KIAA1549: variants seen among roughly 807,000 people sequenced by gnomAD.
KIAA1549 encodes KIAA1549.
A neutral mutation model predicts 156.4 loss-of-function variants in KIAA1549; 70 were observed. The ratio of observed to expected loss-of-function variants is 0.45; its 90% CI spans 0.37 to 0.55. The LOEUF is 0.55. Among genes scored for constraint, KIAA1549 ranks in the 20% least tolerant of loss-of-function variants. The pLI is 0.00. For missense variants in KIAA1549, 2,428 were observed against 2,540.9 expected (o/e 0.96, Z 0.96); for synonymous variants, 1,103 against 1,066.4 (o/e 1.03, Z -0.67).
In KIAA1549 at chr7:138,917,512, T is replaced by G; in HGVS notation, c.2114A>C (p.Asn705Thr). Reference sequence around the variant, plus strand: ...ACGGCTAGGTAGCAACATGATGGTGTTTAAAGGCAGCTCGGAACTTGGCTG... The same window carrying G: ...ACGGCTAGGTAGCAACATGATGGTGGTTAAAGGCAGCTCGGAACTTGGCTG... ...QLQPSSELPL[N>T]TIMLLPSRSE... The change falls in exon 2 of 20, where the codon AAC becomes ACC. Residue 705 changes from asparagine (N) to threonine (T), a missense_variant. Physicochemically the swap from Asn to Thr is moderately conservative, Grantham distance 65. Transcript: ENST00000422774. The G allele has an allele frequency of 6.2e-7, 1 of 1,613,686 alleles. No individual in the cohort carries two copies. Among genetic ancestry groups the G allele is most frequent in the East Asian group, 2.2e-5 (1 of 44,882 alleles).
rs1809768309 is a variant in KIAA1549, at chr7:138,837,779, G to T, written c.*127C>A. The T allele has an allele frequency of 1.9e-6, 2 of 1,068,038 alleles. No individual in the cohort carries two copies. Among genetic ancestry groups the T allele is most frequent in the East Asian group, 2.6e-5 (1 of 38,394 alleles). 66.2% of individuals were successfully genotyped at this position (1,068,038 alleles called of 1,614,324 possible). A position where few individuals can be genotyped will look rare whatever the true frequency, so the allele number is the denominator to read the frequency against. ...TATGGCATCTTCTAAATTGCAACTT[G>T]CTCCCTCCCTTGGGCAGGCTGCCCG... On this transcript the variant is annotated 3_prime_UTR_variant, in exon 20 of 20. Transcript: ENST00000422774.
At chr7:138,954,916 G>A (rs1813617152) in intron 1 of KIAA1549, among the ~76,000 whole-genome samples, 1 of 152,118 alleles carries the variant, frequency 6.6e-6, no homozygotes, top group Admixed American at 6.5e-5. Context: ...AGGATAAGGG[G>A]GACAGGGAGA....
In KIAA1549 at chr7:138,903,494, T is replaced by C. The variant is rs1266233483; in HGVS notation, c.3669+94A>G. On this transcript the variant is annotated intron_variant, in intron 8 of 19. Coordinates refer to ENST00000422774, the MANE Select transcript of KIAA1549 (RefSeq NM_001164665.2). ...TTTCTCATGGCACTTCTCATTTGCA[T>C]AAAAATACAGGGTTTTAGATGGAGT... 2.3e-6 allele frequency: 3 copies of C among 1,304,172 alleles called. No homozygotes were observed. In the African/African-American group the frequency reaches 4.4e-5, roughly 19 times the overall value. The allele number at this position is 1,304,172 out of a possible 1,614,324, so 80.8% of individuals were successfully genotyped here.
chr7:138,934,867 G>C (rs1198716044), intron 1 of KIAA1549, among the ~76,000 whole-genome samples: 1 of 152,172 alleles, frequency 6.6e-6, no homozygotes, highest in Non-Finnish European at 1.5e-5. Context: ...GGCAGCTTCA[G>C]GTTTAGCTGG....
At chr7:138,881,332 CTG>C (rs1266726615) in intron 11 of KIAA1549, 54 bp downstream of exon 11, 1 of 1,535,310 alleles carries the variant, frequency 6.5e-7, no homozygotes, top group East Asian at 2.2e-5. Flanking sequence ...AACTCACAGC[CTG>C]ATAACAGAAG....
rs956031304 is a variant in KIAA1549, at chr7:138,863,487, A to G, written c.4930-2031T>C. On this transcript the variant is annotated intron_variant, in intron 15 of 19. Coordinates refer to ENST00000422774, the MANE Select transcript of KIAA1549 (RefSeq NM_001164665.2). ...TGAAGGGCAGTAGGTTCTTAACTCC[A>G]AACTGAGAGAGGACCATACAAAACT... is the stretch of plus-strand genomic sequence containing the variant. Among the ~76,000 whole-genome samples, 5 of 152,102 alleles carry G rather than the reference A, an allele frequency of 3.3e-5. No individual in the cohort carries two copies. In the South Asian group the frequency reaches 1.0e-3, roughly 32 times the overall value.
At position 138,917,325 on chromosome 7, in the gene KIAA1549, A is replaced by T; in HGVS notation, c.2301T>A (p.Thr767=). 1.2e-6 allele frequency: 2 copies of T among 1,613,806 alleles called. No individual in the cohort carries two copies. Among genetic ancestry groups the T allele is most frequent in the Non-Finnish European group, 1.7e-6 (2 of 1,179,790 alleles). ...ACTCAGAGCCGGGGGGCACCAGTGC[A>T]GTGACTGCGGATTCATGGGAAATGA... The part of the protein sequence containing the change: ...SSLISHESAV[T]ALVPPGSESF... The change falls in exon 2 of 20, where the codon ACT becomes ACA. Residue 767 remains threonine (T), a synonymous_variant. Coordinates refer to ENST00000422774, the MANE Select transcript of KIAA1549 (RefSeq NM_001164665.2).
At chr7:138,842,458 G>A (rs1019832065) in intron 18 of KIAA1549, among the ~76,000 whole-genome samples, 29 of 152,164 alleles carry the variant, frequency 1.9e-4, no homozygotes, top group South Asian at 4.1e-4. Context: ...AGGCTGAGGC[G>A]GGCGGATCAC....
intron 16 of KIAA1549, among the ~76,000 whole-genome samples, chr7:138,856,642 A>AT (rs1810401345): frequency 6.6e-6 from 1 of 152,188 alleles, no homozygotes; most frequent in African/African-American, 2.4e-5. Flanking sequence ...TCAGGATGAC[A>AT]TGTAGGCTCC....
At chr7:138,933,804 G>T (rs1274737076) in intron 1 of KIAA1549, among the ~76,000 whole-genome samples, 1 of 152,058 alleles carries the variant, frequency 6.6e-6, no homozygotes, top group Non-Finnish European at 1.5e-5. Flanking sequence ...CATCTTCAAT[G>T]AAAATACAAA....
chr7:138,838,071 C>T lies in KIAA1549; in HGVS notation c.5688G>A (p.Gly1896=). The T allele has an allele frequency of 6.3e-7, 1 of 1,591,604 alleles. No individual in the cohort carries two copies. The highest frequency in any genetic ancestry group is 1.3e-5 in the African/African-American group (1 of 74,646). The change falls in exon 20 of 20, where the codon GGG becomes GGA. Residue 1896 remains glycine, a synonymous_variant. Coordinates refer to ENST00000422774, the MANE Select transcript of KIAA1549 (RefSeq NM_001164665.2). ...TSGREPSAPS[G]NLPHRGLQGP... is the part of the protein sequence containing the mutation. ...CCTGCAGTCCCCGGTGGGGGAGGTT[C>T]CCGGAAGGAGCTGAGGGCTCCCTGC...
intron 16 of KIAA1549, among the ~76,000 whole-genome samples, chr7:138,854,759 C>T (rs1003114874): frequency 6.6e-6 from 1 of 151,988 alleles, no homozygotes; most frequent in Non-Finnish European, 1.5e-5. Flanking sequence ...ATGAGAAAAC[C>T]ATTGAATAAT....
chr7:138,940,317 A>G (rs1813144783), intron 1 of KIAA1549, among the ~76,000 whole-genome samples: 2 of 151,730 alleles, frequency 1.3e-5, no homozygotes, highest in South Asian at 4.2e-4. Flanking sequence ...TTCCAGCTTC[A>G]TCCATGTCCC....
rs575445667 is a variant in KIAA1549 at position 138,869,341 on chromosome 7, G to A, written c.4775+197C>T. On this transcript the variant is annotated intron_variant, in intron 14 of 19. Coordinates refer to ENST00000422774, the MANE Select transcript of KIAA1549 (RefSeq NM_001164665.2). ...CCACACTAAGGTGACCCTCAGCCAGGGTAAGCCTTCCGAGTGGCCTCCACA... is the reference window on the plus strand; with the variant it reads ...CCACACTAAGGTGACCCTCAGCCAGAGTAAGCCTTCCGAGTGGCCTCCACA... Among the ~76,000 whole-genome samples the A allele has an allele frequency of 3.3e-5, 5 of 152,346 alleles. No homozygotes were observed. In the East Asian group the frequency reaches 7.7e-4, roughly 24 times the overall value.
intron 1 of KIAA1549, among the ~76,000 whole-genome samples, chr7:138,944,683 T>C (rs77156366): frequency 0.03 from 4,606 of 151,544 alleles, 230 homozygotes; most frequent in African/African-American, 0.11. Flanking sequence ...AAAGGTGATA[T>C]ATCCATAAAA....
rs1433191449 is a variant in KIAA1549, at chr7:138,857,197, T to C, written c.5247+3942A>G. ...CATAATAAGTAAATTTCTCTCCCCCTCACTCTCTCCATACAAACACATATG... is the reference window on the plus strand; with the variant it reads ...CATAATAAGTAAATTTCTCTCCCCCCCACTCTCTCCATACAAACACATATG... On this transcript the variant is annotated intron_variant, in intron 16 of 19. Transcript: ENST00000422774. Among the ~76,000 whole-genome samples, 9 of 152,026 alleles carry C rather than the reference T, an allele frequency of 5.9e-5. 1 individual carries two copies. The highest frequency in any genetic ancestry group is 5.9e-4 in the Admixed American group (9 of 15,252).
intron 16 of KIAA1549, among the ~76,000 whole-genome samples, chr7:138,853,045 A>G (rs919452192): frequency 2.0e-5 from 3 of 152,168 alleles, no homozygotes; most frequent in Non-Finnish European, 2.9e-5. Context: ...AATATATCCT[A>G]ACCCTAATAT....
chr7:138,910,141 G>A (rs1380899853), intron 4 of KIAA1549, among the ~76,000 whole-genome samples: 1 of 152,106 alleles, frequency 6.6e-6, no homozygotes, highest in Non-Finnish European at 1.5e-5. Flanking sequence ...GGCTAGGAAC[G>A]GAAAAGTGGT....
chr7:138,845,489 T>C (rs1006305982), intron 17 of KIAA1549, among the ~76,000 whole-genome samples: 6 of 152,158 alleles, frequency 3.9e-5, no homozygotes, highest in Non-Finnish European at 8.8e-5. Context: ...TCCTCAGGGG[T>C]CAGTTGCAAT....
Sources: gnomAD v4.1 joint callset for allele counts (sites outside exome capture counted in the v4.1 genomes callset) on GRCh38, gnomAD v4.1.1 for gene constraint, MANE v1.5 for transcripts, NCBI Gene and HGNC (gene_info 2026-07-23, HGNC 2026-07-21) for gene names.